Variants in SPTAN1 observed in about 807,000 individuals in gnomAD.
SPTAN1 encodes spectrin alpha chain, non-erythrocytic 1.
A neutral mutation model predicts 331.3 loss-of-function variants in SPTAN1; 61 were observed. The ratio of observed to expected loss-of-function variants is 0.18; its 90% CI spans 0.15 to 0.23. The LOEUF is 0.23. Among genes scored for constraint, SPTAN1 ranks in the 10% least tolerant of loss-of-function variants. The pLI is 1.00. For synonymous variants in SPTAN1, 1,153 were observed against 1,173.9 expected (o/e 0.98, Z 0.36); for missense variants, 2,043 against 3,147.9 (o/e 0.65, Z 8.40).
At chr9:128,620,170 T>A (rs1857662936) in intron 44 of SPTAN1, among the ~76,000 whole-genome samples, 1 of 152,180 alleles carries the variant, frequency 6.6e-6, no homozygotes, top group Non-Finnish European at 1.5e-5. Context: ...GATTCCCCTC[T>A]GGAAAGGAGA....
In SPTAN1 at chr9:128,612,095, C is replaced by G; in HGVS notation, c.4906-14C>G. On this transcript the variant is annotated splice_polypyrimidine_tract_variant and intron_variant, in intron 38 of 56. Transcript: ENST00000372739. ...ATAGATTTCATCTCTTTTTGGCTCC[C>G]TTCTGTTCCCCAGGCCCGCCTGGCT... 1 of 1,614,110 alleles carries G rather than the reference C, an allele frequency of 6.2e-7. No homozygotes were observed. The highest frequency in any genetic ancestry group is 1.1e-5 in the South Asian group (1 of 91,086).
At position 128,632,737 on chromosome 9, in the gene SPTAN1, G is replaced by A. The variant is rs1196445491; in HGVS notation, c.7160+19G>A. 1 of 1,613,908 alleles carries A rather than the reference G, an allele frequency of 6.2e-7. No homozygotes were observed. The highest frequency in any genetic ancestry group is 8.5e-7 in the Non-Finnish European group (1 of 1,180,056). On this transcript the variant is annotated intron_variant, in intron 55 of 56. Transcript: ENST00000372739. Reference sequence around the variant, plus strand: ...CGAACAGGTAAATTAATTAAGGCCAGGTGCTGTGAGCCTCTGCCCGGGGCA... The same window carrying A: ...CGAACAGGTAAATTAATTAAGGCCAAGTGCTGTGAGCCTCTGCCCGGGGCA...
rs181402160 is a variant in SPTAN1, at chr9:128,574,690, C to G, written c.379C>G (p.Leu127Val). 8 of 1,614,204 alleles carry G rather than the reference C, an allele frequency of 5.0e-6. No individual in the cohort carries two copies. In the East Asian group the frequency reaches 1.8e-4, roughly 36 times the overall value. The change falls in exon 4 of 57, where the codon CTG becomes GTG. Residue 127 changes from leucine (L) to valine (V), a missense_variant. Around this residue, in one of 12 missense-constraint regions of SPTAN1, gnomAD observed 1,038 missense variants for 1,531.5 expected, o/e 0.68. Coordinates refer to ENST00000372739, the MANE Select transcript of SPTAN1 (RefSeq NM_001130438.3). ...AAACTTTCAGACCCGTTTGATGGAG[C>G]TGCACCGCCAGTGGGAATTACTTTT... is the stretch of plus-strand genomic sequence containing the variant. ...SETIRTRLME[L>V]HRQWELLLEK...
intron 19 of SPTAN1, 45 bp downstream of exon 19, chr9:128,586,010 AG>A (rs773684837): frequency 3.8e-6 from 6 of 1,576,858 alleles, no homozygotes; most frequent in Non-Finnish European, 5.2e-6. Context: ...GAAGTGGAAC[AG>A]GGCTTGTACT....
At chr9:128,562,395 C>A (rs983163648) in intron 1 of SPTAN1, among the ~76,000 whole-genome samples, 6 of 151,556 alleles carry the variant, frequency 4.0e-5, no homozygotes, top group Non-Finnish European at 8.8e-5. Context: ...GCCACCGCGC[C>A]CAGCCGAGAT....
chr9:128,611,960 T>C (rs1856619717), intron 38 of SPTAN1, 115 bp downstream of exon 38: 5 of 1,601,864 alleles, frequency 3.1e-6, no homozygotes, highest in Non-Finnish European at 4.3e-6. Context: ...TAGAAGACTT[T>C]AGGCTGAATT....
In SPTAN1 at chr9:128,581,891, C is replaced by T; in HGVS notation, c.1571C>T (p.Thr524Ile). 6.2e-7 allele frequency: 1 copy of T among 1,601,774 alleles called. No homozygotes were observed. Among genetic ancestry groups the T allele is most frequent in the South Asian group, 1.1e-5 (1 of 90,818 alleles). ...KSLSAQEEKI[T>I]ALDEFATKLI... ...CTTAGTGCCCAGGAGGAAAAGATTA[C>T]AGTAAGACCCCTTCTTGTCAGTGCT... Residue 524 changes from threonine to isoleucine, a missense_variant and splice_region_variant, in exon 12 of 57, where the codon ACA (threonine) becomes ATA (isoleucine). This residue lies in a region of SPTAN1 where 1,038 missense variants were observed against 1,531.5 expected (regional missense o/e 0.68). Transcript: ENST00000372739.
At chr9:128,626,139 T>C (rs1022347524) in intron 48 of SPTAN1, among the ~76,000 whole-genome samples, 161 bp downstream of exon 48, 1 of 151,938 alleles carries the variant, frequency 6.6e-6, no homozygotes, top group African/African-American at 2.4e-5. Context: ...CCAGGGCAAA[T>C]GAGAGGGCCC....
intron 27 of SPTAN1, 117 bp from the exon 28 acceptor site, chr9:128,603,426 T>C (rs1463085319): frequency 9.6e-7 from 1 of 1,044,204 alleles, no homozygotes; most frequent in Admixed American, 1.7e-5. Flanking sequence ...ATGTTGACAG[T>C]ATCCCTTTAA....
At chr9:128,632,999 C>G (rs1860047656) in intron 56 of SPTAN1, 44 bp downstream of exon 56, 1 of 1,606,096 alleles carries the variant, frequency 6.2e-7, no homozygotes, top group Non-Finnish European at 8.5e-7. Flanking sequence ...CTTTGGAAAA[C>G]TAAAGCCAAA....
In SPTAN1 at chr9:128,625,882, C is replaced by T. The variant is rs775886527; in HGVS notation, c.6183C>T (p.Ala2061=). The T allele has an allele frequency of 2.4e-5, 39 of 1,614,222 alleles. No homozygotes were observed. The highest frequency in any genetic ancestry group is 3.3e-4 in the Middle Eastern group (2 of 6,062). The change falls in exon 48 of 57, where the codon GCC becomes GCT. Residue 2061 remains alanine (A), a synonymous_variant. Coordinates refer to ENST00000372739, the MANE Select transcript of SPTAN1 (RefSeq NM_001130438.3). The surrounding 1 kb of genome is among the most constrained non-coding windows in gnomAD (Gnocchi z 4.1). ...ACGTTCAGTCCAAGGCCATCGAGGC[C>T]CGGCACGCCTCCCTCATGAAGAGGT... ...AKHVQSKAIE[A]RHASLMKRWS...
At chr9:128,600,715 T>C (rs1589279190) in intron 27 of SPTAN1, among the ~76,000 whole-genome samples, 3 of 152,284 alleles carry the variant, frequency 2.0e-5, no homozygotes, top group African/African-American at 7.2e-5. Flanking sequence ...CAGGCTGGAG[T>C]GCAGTGGCAC....
intron 2 of SPTAN1, among the ~76,000 whole-genome samples, chr9:128,567,610 G>A (rs1850188100): frequency 6.6e-6 from 1 of 152,018 alleles, no homozygotes. Context: ...TTTGAGGAAG[G>A]CATAATAGTG....
intron 49 of SPTAN1, 121 bp downstream of exon 49, chr9:128,626,808 T>C (rs1018494963): frequency 7.2e-6 from 8 of 1,115,896 alleles, no homozygotes; most frequent in African/African-American, 4.7e-5. Context: ...CATGGTTTCA[T>C]CAGAAGTTTC....
chr9:128,576,695 C>T (rs1851342726), intron 5 of SPTAN1, 128 bp from the exon 6 acceptor site: 2 of 1,233,574 alleles, frequency 1.6e-6, no homozygotes, highest in Non-Finnish European at 2.3e-6. Flanking sequence ...ATCATGTTGA[C>T]CATTATTTCT....
chr9:128,621,259 G>A lies in SPTAN1; in HGVS notation c.5832+3G>A, dbSNP rs1368511172. On this transcript the variant is annotated splice_donor_region_variant and intron_variant, in intron 45 of 56. Transcript: ENST00000372739. ...ATGGACAAGACCTCATTAAGAAGGTGAGTCCAGCCCATTGGTAAGACCTCC... is the reference window on the plus strand; with the variant it reads ...ATGGACAAGACCTCATTAAGAAGGTAAGTCCAGCCCATTGGTAAGACCTCC... The A allele has an allele frequency of 1.2e-6, 2 of 1,612,280 alleles. No individual in the cohort carries two copies. The highest frequency in any genetic ancestry group is 1.1e-5 in the South Asian group (1 of 90,878).
At chr9:128,555,472 T>G (rs965650079) in intron 1 of SPTAN1, 1 of 1,193,652 alleles carries the variant, frequency 8.4e-7, no homozygotes, top group African/African-American at 1.6e-5. Context: ...CATATTCGTG[T>G]CAAAGAGGTT....
At chr9:128,609,417 G>A (rs1448856514) in intron 36 of SPTAN1, 133 bp downstream of exon 36, 1 of 1,398,570 alleles carries the variant, frequency 7.2e-7, no homozygotes, top group East Asian at 2.4e-5. Context: ...AGTAAGCCCA[G>A]CCAGTGGGAA....
chr9:128,582,636 A>C, intron 13 of SPTAN1, 58 bp from the exon 14 acceptor site: 1 of 1,611,192 alleles, frequency 6.2e-7, no homozygotes, highest in Non-Finnish European at 8.5e-7. Flanking sequence ...AGTCTCTTCA[A>C]CTGGATATCC....
Sources: allele counts gnomAD v4.1 joint callset (sites outside exome capture counted in the v4.1 genomes callset), GRCh38; gene constraint gnomAD v4.1.1; regional missense constraint gnomAD v4.1.1; non-coding constraint Gnocchi (gnomAD v3.1); transcripts MANE v1.5; gene names NCBI Gene and HGNC (gene_info 2026-07-23, HGNC 2026-07-21).